LYN: variants seen among roughly 807,000 people sequenced by gnomAD.
LYN encodes tyrosine-protein kinase Lyn.
Under a neutral mutation model 65.0 loss-of-function variants are expected in LYN, and 12 were observed. The ratio of observed to expected loss-of-function variants is 0.18; its 90% CI spans 0.12 to 0.30. The LOEUF (loss-of-function observed/expected upper bound fraction) is 0.30, where lower values mean the gene tolerates loss of function less well. Among genes scored for constraint, LYN ranks in the 10% least tolerant of loss-of-function variants. The pLI is 1.00. For missense variants in LYN, 380 were observed against 623.2 expected, an observed-to-expected ratio of 0.61 and a Z score of 4.16; for synonymous variants, 222 against 221.2, an observed-to-expected ratio of 1.00 and a Z score of -0.03.
intron 1 of LYN, among the ~76,000 whole-genome samples, chr8:55,906,731 A>G (rs1805433455): frequency 6.9e-6 from 1 of 144,510 alleles, no homozygotes; most frequent in African/African-American, 2.6e-5. Context: ...AAAAGAAAAA[A>G]AAAAGAGAGA....
chr8:55,981,015 C>T (rs1807902607), intron 10 of LYN, among the ~76,000 whole-genome samples: 1 of 152,180 alleles, frequency 6.6e-6, no homozygotes, highest in Non-Finnish European at 1.5e-5. Context: ...GGTTTTGCAT[C>T]CCTGCTCAGC....
intron 2 of LYN, 75 bp from the exon 3 acceptor site, chr8:55,946,373 A>C (rs1806777747): frequency 2.1e-6 from 2 of 944,614 alleles, no homozygotes; most frequent in South Asian, 2.7e-5. Context: ...CTGTTACAAA[A>C]ATCATATATA....
At chr8:55,947,030 C>G (rs567093808) in intron 3 of LYN, among the ~76,000 whole-genome samples, 20 of 152,284 alleles carry the variant, frequency 1.3e-4, no homozygotes, top group African/African-American at 4.8e-4. Flanking sequence ...GGTAGATCAC[C>G]TGTGGTCAGG....
chr8:55,931,714 G>A (rs1050464875), intron 1 of LYN, among the ~76,000 whole-genome samples: 2 of 151,608 alleles, frequency 1.3e-5, no homozygotes, highest in African/African-American at 4.8e-5. Context: ...AAATTTAATA[G>A]TCACTTAGTA....
chr8:55,971,596 C>A (rs1807611242), intron 10 of LYN, among the ~76,000 whole-genome samples: 1 of 152,198 alleles, frequency 6.6e-6, no homozygotes, highest in Admixed American at 6.5e-5. Context: ...TGATCTGTAC[C>A]CACAGTTCTT....
intron 1 of LYN, among the ~76,000 whole-genome samples, chr8:55,930,658 C>T (rs965970660): frequency 2.6e-5 from 4 of 152,178 alleles, no homozygotes; most frequent in Non-Finnish European, 5.9e-5. Flanking sequence ...TTGTCTTCCT[C>T]TGTGTGAAAT....
chr8:55,885,996 G>C (rs1219936247), intron 1 of LYN, among the ~76,000 whole-genome samples: 2 of 152,132 alleles, frequency 1.3e-5, no homozygotes, highest in Non-Finnish European at 2.9e-5. Flanking sequence ...AGAGTCTTAA[G>C]GGCAGAGCCT....
intron 1 of LYN, among the ~76,000 whole-genome samples, chr8:55,898,221 A>G (rs1366089090): frequency 6.6e-6 from 1 of 152,010 alleles, no homozygotes; most frequent in African/African-American, 2.4e-5. Flanking sequence ...GTTTTCTGTA[A>G]TGTCATATAA....
At chr8:55,988,291 GGTGTGTGT>G (rs57413136) in intron 10 of LYN, among the ~76,000 whole-genome samples, 12 of 142,184 alleles carry the variant, frequency 8.4e-5, no homozygotes, top group East Asian at 2.0e-4. Context: ...CAAACTCCCT[GGTGTGTGT>G]GTGTGTGTGT....
chr8:55,969,195 C>T (rs1807541593), intron 9 of LYN, among the ~76,000 whole-genome samples: 1 of 152,216 alleles, frequency 6.6e-6, no homozygotes, highest in Non-Finnish European at 1.5e-5. Context: ...ATTGCTTGAG[C>T]TTGGGAGGCT....
chr8:55,951,244 C>T (rs910801381), intron 6 of LYN, among the ~76,000 whole-genome samples: 3 of 149,328 alleles, frequency 2.0e-5, no homozygotes, highest in Non-Finnish European at 4.4e-5. Flanking sequence ...GAGGCACTGT[C>T]TCAAAAAAAA....
rs377378702 is a variant in LYN, at chr8:55,914,558, C to A, written c.-5-27297C>A. The stretch of plus-strand genomic sequence containing the variant: ...GTAGGTCACAGCCCTGCCGGCCATC[C>A]ACATGCCTTCCAGGAACACCCCAAT... On this transcript the variant is annotated intron_variant, in intron 1 of 12. Coordinates refer to ENST00000519728, the MANE Select transcript of LYN (RefSeq NM_002350.4). Among the ~76,000 whole-genome samples the A allele has an allele frequency of 5.3e-5, 8 of 152,232 alleles. No homozygotes were observed. The South Asian group carries it at 1.2e-3, about 24-fold the overall frequency.
chr8:55,970,004 G>A (rs770081038), intron 10 of LYN, among the ~76,000 whole-genome samples: 1 of 152,192 alleles, frequency 6.6e-6, no homozygotes, highest in Non-Finnish European at 1.5e-5. Context: ...TTTTGACCTG[G>A]ATATCATCTT....
chr8:55,912,348 T>C (rs1244729077), intron 1 of LYN, among the ~76,000 whole-genome samples: 2 of 152,238 alleles, frequency 1.3e-5, no homozygotes, highest in African/African-American at 4.8e-5. Context: ...TGAATACTCC[T>C]AGTCACAACC....
chr8:55,983,070 G>A (rs1056790859), intron 10 of LYN, among the ~76,000 whole-genome samples: 2 of 152,046 alleles, frequency 1.3e-5, no homozygotes, highest in African/African-American at 4.8e-5. Context: ...TTGCCCTCAT[G>A]TCCACACAAC....
At chr8:55,914,829 A>C (rs1324130715) in intron 1 of LYN, among the ~76,000 whole-genome samples, 2 of 152,138 alleles carry the variant, frequency 1.3e-5, no homozygotes, top group African/African-American at 2.4e-5. Context: ...TTTTGTTTGT[A>C]ACAATAGAGC....
intron 11 of LYN, among the ~76,000 whole-genome samples, 172 bp downstream of exon 11, chr8:55,998,671 G>A (rs1225065571): frequency 6.6e-6 from 1 of 152,094 alleles, no homozygotes; most frequent in South Asian, 2.1e-4. Context: ...TTTCTAGAAG[G>A]TACTCTCTTG....
chr8:56,008,123 A>AAAAAAAAAAAAT (rs145011760), intron 12 of LYN, among the ~76,000 whole-genome samples: 3 of 140,672 alleles, frequency 2.1e-5, no homozygotes, highest in African/African-American at 7.8e-5. Context: ...TGCCTCAAAA[A>AAAAAAAAAAAAT]AAAAATAAAA....
intron 1 of LYN, chr8:55,902,756 A>G (rs1344768739): frequency 1.6e-5 from 8 of 512,850 alleles, no homozygotes; most frequent in South Asian, 9.9e-5. Context: ...CCACTGCAAT[A>G]TGCATACTGT....
Sources: allele counts gnomAD v4.1 joint callset (sites outside exome capture counted in the v4.1 genomes callset), GRCh38; gene constraint gnomAD v4.1.1; transcripts MANE v1.5; gene names NCBI Gene and HGNC (gene_info 2026-07-23, HGNC 2026-07-21).